Variants in MAP3K15 observed in about 807,000 individuals in gnomAD.
The protein encoded by MAP3K15 is mitogen-activated protein kinase kinase kinase 15, also known as MAPK/ERK kinase kinase 15.
In MAP3K15, 124 loss-of-function variants were observed where a neutral mutation model predicts 99.5. The observed-to-expected ratio is 1.25, with a 90% CI of 1.08 to 1.45. The LOEUF (loss-of-function observed/expected upper bound fraction) is 1.45, where lower values mean the gene tolerates loss of function less well. MAP3K15 is among the 40% of genes most tolerant of loss of function. The pLI is 0.00. For synonymous variants in MAP3K15, 494 were observed against 439.6 expected (o/e 1.12, Z -1.55); for missense variants, 1,242 against 1,079.7 (o/e 1.15, Z -2.11).
intron 9 of MAP3K15, among the ~76,000 whole-genome samples, chrX:19,416,510 T>C (rs751497534): frequency 5.4e-5 from 6 of 111,650 alleles, no homozygotes; most frequent in South Asian, 3.8e-4. Context: ...ATGGGACCCA[T>C]AGAGAGTGCC....
intron 13 of MAP3K15, among the ~76,000 whole-genome samples, chrX:19,406,197 A>T (rs1258945971): frequency 8.9e-6 from 1 of 112,347 alleles, no homozygotes; most frequent in African/African-American, 3.2e-5. Flanking sequence ...CAAAAGGTTA[A>T]ACGTAGAGTT....
intron 1 of MAP3K15, among the ~76,000 whole-genome samples, chrX:19,501,329 C>G (rs1268490944): frequency 1.8e-5 from 2 of 111,773 alleles, no homozygotes; most frequent in African/African-American, 6.5e-5. Context: ...AAAATATGGA[C>G]AAACCAGAAG....
chrX:19,465,686 G>A (rs1050231449), intron 3 of MAP3K15, among the ~76,000 whole-genome samples: 15 of 110,394 alleles, frequency 1.4e-4, no homozygotes, highest in Admixed American at 1.2e-3. Context: ...CCCAGGAGGC[G>A]GAGGTTGCAT....
intron 21 of MAP3K15, chrX:19,373,168 GGGAGGAGGAGGGGCCA>G (rs970280843): frequency 1.5e-5 from 3 of 200,940 alleles, no homozygotes; most frequent in South Asian, 1.2e-4. Flanking sequence ...AAAGGAGGAA[GGGAGGAGGAGGGGCCA>G]GGAGGAGGAG....
intron 1 of MAP3K15, among the ~76,000 whole-genome samples, chrX:19,492,003 T>TA (rs1346723340): frequency 2.8e-5 from 3 of 106,744 alleles, no homozygotes; most frequent in Non-Finnish European, 5.8e-5. Flanking sequence ...TTTTTTTTTT[T>TA]AAACAGAGAT....
chrX:19,372,986 G>A (rs1276149499), intron 21 of MAP3K15, 159 bp from the exon 22 acceptor site: 2 of 323,257 alleles, frequency 6.2e-6, no homozygotes, highest in Admixed American at 1.1e-4. Flanking sequence ...GACATGCAGT[G>A]TTCTGTCAAC....
At chrX:19,466,187 A>C (rs1025292519) in intron 3 of MAP3K15, among the ~76,000 whole-genome samples, 1 of 111,449 alleles carries the variant, frequency 9.0e-6, no homozygotes, top group African/African-American at 3.3e-5. Flanking sequence ...AGTTAGAGGT[A>C]AATTTCTCCC....
intron 9 of MAP3K15, among the ~76,000 whole-genome samples, chrX:19,419,456 T>C (rs1158799964): frequency 9.1e-6 from 1 of 109,828 alleles, no homozygotes; most frequent in African/African-American, 3.4e-5. Flanking sequence ...CATTACATAA[T>C]GGTAAAGGGA....
At chrX:19,375,867 G>A (rs540633185) in intron 19 of MAP3K15, among the ~76,000 whole-genome samples, 10 of 112,297 alleles carry the variant, frequency 8.9e-5, no homozygotes, top group Non-Finnish European at 1.5e-4. Context: ...CAGGAGTTAC[G>A]GATTCGAAGA....
intron 3 of MAP3K15, among the ~76,000 whole-genome samples, chrX:19,482,564 A>G (rs974037699): frequency 8.9e-6 from 1 of 111,976 alleles, no homozygotes; most frequent in African/African-American, 3.3e-5. Context: ...TATAAGACAA[A>G]AAGCAGATTA....
At chrX:19,491,388 T>C (rs2064367598) in intron 1 of MAP3K15, among the ~76,000 whole-genome samples, 1 of 110,855 alleles carries the variant, frequency 9.0e-6, no homozygotes, top group Non-Finnish European at 1.9e-5. Flanking sequence ...GGGCACATAA[T>C]CCACACCTGA....
intron 18 of MAP3K15, 28 bp from the exon 19 acceptor site, chrX:19,380,305 TG>T (rs1237965038): frequency 8.3e-7 from 1 of 1,202,380 alleles, no homozygotes; most frequent in Non-Finnish European, 1.1e-6. Context: ...AAACAGGCTG[TG>T]GGTACCATAT....
At chrX:19,385,118 C>T (rs1325444963) in intron 18 of MAP3K15, among the ~76,000 whole-genome samples, 1 of 111,765 alleles carries the variant, frequency 8.9e-6, no homozygotes, top group African/African-American at 3.3e-5. Context: ...TTAGGTCTTA[C>T]AGCGTTTCTA....
chrX:19,364,669 G>A (rs1300089532), intron 25 of MAP3K15, among the ~76,000 whole-genome samples: 2 of 111,156 alleles, frequency 1.8e-5, no homozygotes, highest in African/African-American at 3.3e-5. Context: ...GGGAGGCTGA[G>A]GTAGGCAGAT....
chrX:19,411,877 G>T lies in MAP3K15; in HGVS notation c.1698+1480C>A, dbSNP rs755615386. ...ATGGGCAAATCATGCAGGACTTCTAGGCCACCCTCGGGATGTCAGCTTTGA... is the reference window on the plus strand; with the variant it reads ...ATGGGCAAATCATGCAGGACTTCTATGCCACCCTCGGGATGTCAGCTTTGA... On this transcript the variant is annotated intron_variant, in intron 11 of 28. Transcript: ENST00000338883. 1.1e-4 allele frequency among the ~76,000 whole-genome samples: 12 copies of T among 112,135 alleles called. 1 individual carries two copies. The highest frequency in any genetic ancestry group is 3.9e-4 in the African/African-American group (12 of 30,934).
At chrX:19,508,431 C>T (rs1042111911) in intron 1 of MAP3K15, among the ~76,000 whole-genome samples, 21 of 112,400 alleles carry the variant, frequency 1.9e-4, no homozygotes, top group African/African-American at 6.1e-4. Flanking sequence ...CTCAGTCTCC[C>T]GAAGTGCTGG....
chrX:19,361,560 T>C lies in MAP3K15; in HGVS notation c.3713A>G (p.Gln1238Arg). 1 of 1,210,906 alleles carries C rather than the reference T, an allele frequency of 8.3e-7. No individual in the cohort carries two copies. The highest frequency in any genetic ancestry group is 1.1e-6 in the Non-Finnish European group (1 of 894,482). Residue 1238 changes from glutamine to arginine, a missense_variant, in exon 27 of 29, where the codon CAG becomes CGG. Physicochemically the swap from Gln to Arg is conservative, Grantham distance 43 (BLOSUM62 1). Transcript: ENST00000338883. ...ITENPAGPYG[Q>R]RTDKELIDWL... ...GTCTATAAGCTCTTTATCTGTTCTCTGCCCGTAGGGGCCTGCTGGGTTCTC... is the reference window on the plus strand; with the variant it reads ...GTCTATAAGCTCTTTATCTGTTCTCCGCCCGTAGGGGCCTGCTGGGTTCTC...
chrX:19,378,061 C>T (rs1428203528), intron 19 of MAP3K15, among the ~76,000 whole-genome samples: 4 of 112,384 alleles, frequency 3.6e-5, no homozygotes, highest in African/African-American at 1.3e-4. Context: ...TCACCTCAAC[C>T]GGCAGAAACC....
intron 3 of MAP3K15, among the ~76,000 whole-genome samples, chrX:19,472,803 A>G (rs1323123125): frequency 8.9e-6 from 1 of 112,287 alleles, no homozygotes; most frequent in Non-Finnish European, 1.9e-5. Flanking sequence ...CAAAACAAAC[A>G]TTTCTGCTGA....
Sources: allele counts gnomAD v4.1 joint callset (sites outside exome capture counted in the v4.1 genomes callset), GRCh38; gene constraint gnomAD v4.1.1; transcripts MANE v1.5; gene names NCBI Gene and HGNC (gene_info 2026-07-23, HGNC 2026-07-21).